DIDO1: variants seen among roughly 807,000 people sequenced by gnomAD.
DIDO1 encodes death-inducer obliterator 1.
DIDO1 carries 16 observed loss-of-function variants against 99.4 expected under a neutral mutation model. The observed-to-expected ratio is 0.16, with a 90% CI of 0.11 to 0.24. DIDO1 has a LOEUF of 0.24. DIDO1 is among the 10% of genes least tolerant of loss of function. The pLI is 1.00. For synonymous variants in DIDO1, 1,366 were observed against 1,239.1 expected (o/e 1.10, Z -2.15); for missense variants, 2,996 against 3,014.0 (o/e 0.99, Z 0.14).
In DIDO1 at chr20:62,882,232, A is replaced by C. The variant is rs2064221303; in HGVS notation, c.3724T>G (p.Ser1242Ala). The C allele has an allele frequency of 1.2e-6, 2 of 1,613,600 alleles. No individual in the cohort carries two copies. Among genetic ancestry groups the C allele is most frequent in the South Asian group, 2.2e-5 (2 of 91,074 alleles). Residue 1242 changes from serine to alanine, a missense_variant, in exon 16 of 16, where the codon TCC becomes GCC. Physicochemically the swap from Ser to Ala is moderately conservative, Grantham distance 99. This residue lies in a region of DIDO1 where 1,562 missense variants were observed against 1,412.6 expected (regional missense o/e 1.11). Coordinates refer to ENST00000395343, the MANE Select transcript of DIDO1 (RefSeq NM_001193369.2). Reference sequence around the variant, plus strand: ...TCTGCAGAGCAGAGTGGATACTTGGAGGGCTTCTTTTCCGACTGCGGGACT... The same window carrying C: ...TCTGCAGAGCAGAGTGGATACTTGGCGGGCTTCTTTTCCGACTGCGGGACT... Reference protein sequence around the residue: ...ATVPQSEKKPSKYPLCSADAA... With the variant: ...ATVPQSEKKPAKYPLCSADAA...
chr20:62,885,622 A>G (rs1445940623), intron 15 of DIDO1, among the ~76,000 whole-genome samples: 3 of 152,238 alleles, frequency 2.0e-5, no homozygotes, highest in Non-Finnish European at 4.4e-5. Flanking sequence ...GACTGAATAA[A>G]GAAAGCTGCA....
intron 1 of DIDO1, among the ~76,000 whole-genome samples, chr20:62,935,939 G>GTTA: frequency 6.6e-6 from 1 of 152,240 alleles, no homozygotes; most frequent in Non-Finnish European, 1.5e-5. Context: ...TTTCTAGAGA[G>GTTA]GATTAAGGAG....
chr20:62,921,022 T>C (rs1273120281), intron 1 of DIDO1, among the ~76,000 whole-genome samples: 1 of 152,032 alleles, frequency 6.6e-6, no homozygotes, highest in African/African-American at 2.4e-5. Context: ...GCCTCCCGAG[T>C]AGCTGGGATT....
At chr20:62,888,058 C>G (rs1348477461) in intron 15 of DIDO1, 1 of 985,446 alleles carries the variant, frequency 1.0e-6, no homozygotes. Context: ...TCCACTCTCA[C>G]TGCCCGACAA....
intron 6 of DIDO1, among the ~76,000 whole-genome samples, chr20:62,903,842 T>C (rs570867331): frequency 6.6e-6 from 1 of 152,246 alleles, no homozygotes; most frequent in African/African-American, 2.4e-5. Context: ...CCAGAGGAGC[T>C]GATGTGTGGC....
At chr20:62,913,271 A>G (rs960150749) in intron 2 of DIDO1, among the ~76,000 whole-genome samples, 2 of 151,886 alleles carry the variant, frequency 1.3e-5, no homozygotes, top group African/African-American at 4.8e-5. Context: ...CCATTGTTAA[A>G]GGACACAGCT....
chr20:62,891,047 T>G lies in DIDO1; in HGVS notation c.3454A>C (p.Asn1152His). The change falls in exon 15 of 16, where the codon AAC becomes CAC. Residue 1152 changes from asparagine to histidine, a missense_variant. Around this residue, in one of 5 missense-constraint regions of DIDO1, gnomAD observed 135 missense variants for 202.3 expected, o/e 0.67. Coordinates refer to ENST00000395343, the MANE Select transcript of DIDO1 (RefSeq NM_001193369.2). The part of the protein sequence containing the change: ...SRGRFGVVAN[N>H]NRHVKDLYLI... The stretch of plus-strand genomic sequence containing the variant: ...TAGAGGTCCTTGACGTGCCTGTTGT[T>G]ATTAGCTACAACACCAAAGCGGCCA... 1 of 1,614,124 alleles carries G rather than the reference T, an allele frequency of 6.2e-7. No homozygotes were observed. The highest frequency in any genetic ancestry group is 1.1e-5 in the South Asian group (1 of 91,078).
Position 62,895,094 on chromosome 20 carries a change from A to G in DIDO1, c.2286T>C (p.Leu762=). Residue 762 remains leucine, a synonymous_variant, in exon 9 of 16, where the codon CTT becomes CTC. Coordinates refer to ENST00000395343, the MANE Select transcript of DIDO1 (RefSeq NM_001193369.2). ...AKLVRLKPEE[L]VSKELSTWKE... is the part of the protein sequence containing the mutation. Reference sequence around the variant, plus strand: ...TCCACGTGGAAAGCTCTTTAGATACAAGTTCTTCTGGCTTCAGTCTCACAA... The same window carrying G: ...TCCACGTGGAAAGCTCTTTAGATACGAGTTCTTCTGGCTTCAGTCTCACAA... 6.2e-7 allele frequency: 1 copy of G among 1,611,846 alleles called. No homozygotes were observed. The highest frequency in any genetic ancestry group is 8.5e-7 in the Non-Finnish European group (1 of 1,178,066).
At position 62,894,165 on chromosome 20, in the gene DIDO1, C is replaced by G. The variant is rs933404535; in HGVS notation, c.2602G>C (p.Ala868Pro). 3 of 1,613,766 alleles carry G rather than the reference C, an allele frequency of 1.9e-6. No individual in the cohort carries two copies. The African/African-American group carries it at 4.0e-5, about 22-fold the overall frequency. Reference sequence around the variant, plus strand: ...GCTGACAATTTTTGTTTTTTCGGAGCTGGCTCATCTTCTGCGGAGGGAACC... The same window carrying G: ...GCTGACAATTTTTGTTTTTTCGGAGGTGGCTCATCTTCTGCGGAGGGAACC... ...GQVPSAEDEP[A>P]PKKQKLSASV... is the part of the protein sequence containing the mutation. The change falls in exon 12 of 16, where the codon GCT (alanine) becomes CCT (proline). Residue 868 changes from alanine (A) to proline (P), a missense_variant. Ala to Pro is a conservative substitution (Grantham distance 27). Around this residue, in one of 5 missense-constraint regions of DIDO1, gnomAD observed 898 missense variants for 972.7 expected, o/e 0.92. Coordinates refer to ENST00000395343, the MANE Select transcript of DIDO1 (RefSeq NM_001193369.2). This position sits in a 1 kb window ranked among gnomAD's most constrained non-coding sequence, Gnocchi z 4.4.
chr20:62,882,121 G>A lies in DIDO1; in HGVS notation c.3835C>T (p.Leu1279Phe). Residue 1279 changes from leucine to phenylalanine, a missense_variant, in exon 16 of 16, where the codon CTC (leucine) becomes TTC (phenylalanine). By Grantham distance (22) the Leu-to-Phe change is conservative. Transcript: ENST00000395343. Reference protein sequence around the residue: ...EPPVLKVLSSLKPAAPSPATA... With the variant: ...EPPVLKVLSSFKPAAPSPATA... ...GCTGGGCTGGGGGCTGCAGGTTTGA[G>A]GGATGACAGCACTTTTAGCACCGGT... The A allele has an allele frequency of 6.2e-7, 1 of 1,613,192 alleles. No homozygotes were observed. Among genetic ancestry groups the A allele is most frequent in the Non-Finnish European group, 8.5e-7 (1 of 1,180,024 alleles).
Position 62,880,761 on chromosome 20 carries a change from C to A in DIDO1, c.5195G>T (p.Gly1732Val). 1.2e-6 allele frequency: 2 copies of A among 1,612,596 alleles called. No individual in the cohort carries two copies. The change falls in exon 16 of 16, where the codon GGC becomes GTC. Residue 1732 changes from glycine (G) to valine (V), a missense_variant. By Grantham distance (109) the Gly-to-Val change is moderately radical (BLOSUM62 -3). This residue lies in a region of DIDO1 where 1,562 missense variants were observed against 1,412.6 expected (regional missense o/e 1.11). Coordinates refer to ENST00000395343, the MANE Select transcript of DIDO1 (RefSeq NM_001193369.2). ...TCCTGGTGGGGGGAGCGGGGCGGTG[C>A]CCTCGCCGGGTCTGGCCTGTGGCTC... Reference protein sequence around the residue: ...DREPQARPGEGTAPLPPPGQK... With the variant: ...DREPQARPGEVTAPLPPPGQK...
rs573265820 is a variant in DIDO1, at chr20:62,911,952, G to A, written c.-2-338C>T. ...TTGGACAGTATAGCAGGGTAAGGAT[G>A]TGAGTAAGGACGTGAGCAAGGACGC... On this transcript the variant is annotated intron_variant, in intron 2 of 15. Coordinates refer to ENST00000395343, the MANE Select transcript of DIDO1 (RefSeq NM_001193369.2). The surrounding 1 kb of genome is among the most constrained non-coding windows in gnomAD (Gnocchi z 7.0). 2.7e-5 allele frequency among the ~76,000 whole-genome samples: 4 copies of A among 149,378 alleles called. No homozygotes were observed. The highest frequency in any genetic ancestry group is 6.6e-5 in the Admixed American group (1 of 15,158).
In DIDO1 at chr20:62,882,169, G is replaced by A; in HGVS notation, c.3787C>T (p.Pro1263Ser). 8.1e-6 allele frequency: 13 copies of A among 1,613,284 alleles called. No homozygotes were observed. Among genetic ancestry groups the A allele is most frequent in the Non-Finnish European group, 1.1e-5 (13 of 1,180,026 alleles). Residue 1263 changes from proline (P) to serine (S), a missense_variant, in exon 16 of 16, where the codon CCT becomes TCT. By Grantham distance (74) the Pro-to-Ser change is moderately conservative. Around this residue, in one of 5 missense-constraint regions of DIDO1, gnomAD observed 1,562 missense variants for 1,412.6 expected, o/e 1.11. Coordinates refer to ENST00000395343, the MANE Select transcript of DIDO1 (RefSeq NM_001193369.2). ...GGTGGTTCTGGAAGAGGGGGCGGAG[G>A]CGGCGGCGACCCAGGAGGTGTGGTG... ...VSTTPPGSPP[P>S]PPPLPEPPVL...
chr20:62,887,535 G>A (rs1385781468), intron 15 of DIDO1: 2 of 985,470 alleles, frequency 2.0e-6, no homozygotes, highest in South Asian at 4.7e-5. Flanking sequence ...TGTACTTGGG[G>A]AGAACAGACT....
intron 4 of DIDO1, among the ~76,000 whole-genome samples, chr20:62,908,263 G>C (rs746186206): frequency 2.0e-5 from 3 of 152,180 alleles, no homozygotes; most frequent in Non-Finnish European, 4.4e-5. Flanking sequence ...TGACAGGTGT[G>C]AGCCACAGCA....
intron 1 of DIDO1, among the ~76,000 whole-genome samples, chr20:62,920,571 T>C (rs144044054): frequency 1.6e-4 from 25 of 152,212 alleles, no homozygotes; most frequent in Non-Finnish European, 1.8e-4. Flanking sequence ...AAGTAATCAA[T>C]TTCCCCAAGT....
At chr20:62,920,957 G>A (rs575523568) in intron 1 of DIDO1, among the ~76,000 whole-genome samples, 76 of 152,290 alleles carry the variant, frequency 5.0e-4, no homozygotes, top group African/African-American at 1.5e-3. Context: ...GGAGTGGCAC[G>A]ATCTCAGCTC....
chr20:62,911,090 C>T lies in DIDO1; in HGVS notation c.523G>A (p.Glu175Lys). Residue 175 changes from glutamate to lysine, a missense_variant, in exon 3 of 16, where the codon GAG (glutamate) becomes AAG (lysine). Coordinates refer to ENST00000395343, the MANE Select transcript of DIDO1 (RefSeq NM_001193369.2). This position sits in a 1 kb window ranked among gnomAD's most constrained non-coding sequence, Gnocchi z 7.0. Reference sequence around the variant, plus strand: ...CCTTTCAGGGGCCTCTCAGTGGGCTCCTGTTCCCGCTTCCTGCGAAGGCGA... The same window carrying T: ...CCTTTCAGGGGCCTCTCAGTGGGCTTCTGTTCCCGCTTCCTGCGAAGGCGA... ...QNRLRRKREQ[E>K]PTERPLKGIQ... 3.1e-6 allele frequency: 5 copies of T among 1,613,938 alleles called. No homozygotes were observed. The highest frequency in any genetic ancestry group is 2.2e-5 in the East Asian group (1 of 44,868).
intron 1 of DIDO1, among the ~76,000 whole-genome samples, chr20:62,923,102 A>C (rs1159953662): frequency 6.6e-6 from 1 of 152,208 alleles, no homozygotes; most frequent in East Asian, 1.9e-4. Flanking sequence ...CCTGGCTTCA[A>C]GGGGTCCTCT....
Sources: gnomAD v4.1 joint callset for allele counts (sites outside exome capture counted in the v4.1 genomes callset) on GRCh38, gnomAD v4.1.1 for gene constraint, gnomAD v4.1.1 regional missense constraint, Gnocchi (gnomAD v3.1) non-coding constraint, MANE v1.5 for transcripts, NCBI Gene and HGNC (gene_info 2026-07-23, HGNC 2026-07-21) for gene names.